Variants in BOC observed in about 807,000 individuals in gnomAD.
BOC encodes BOC cell adhesion associated, oncogene regulated.
Under a neutral mutation model 112.0 loss-of-function variants are expected in BOC, and 76 were observed. The observed-to-expected ratio is 0.68, with a 90% CI of 0.56 to 0.82. The LOEUF (loss-of-function observed/expected upper bound fraction) is 0.82, where lower values mean the gene tolerates loss of function less well. BOC is among the 40% of genes least tolerant of loss of function. The pLI, the probability that BOC is intolerant of heterozygous loss-of-function variation, is 0.00. For synonymous variants in BOC, 580 were observed against 599.8 expected, an observed-to-expected ratio of 0.97 and a Z score of 0.48; for missense variants, 1,309 against 1,511.7, an observed-to-expected ratio of 0.87 and a Z score of 2.22.
intron 5 of BOC, 33 bp from the exon 6 acceptor site, chr3:113,270,768 T>C: frequency 6.3e-7 from 1 of 1,581,684 alleles, no homozygotes. Flanking sequence ...TCTGGACCCA[T>C]CCCATCTTCC....
At chr3:113,270,271 C>T (rs1028802521) in intron 5 of BOC, 1 of 152,462 alleles carries the variant, frequency 6.6e-6, no homozygotes, top group Non-Finnish European at 1.5e-5. Flanking sequence ...TTTCCTCCTT[C>T]CTGGAGGCTT....
At chr3:113,257,732 C>CAAATTAAATTTAATTTAA (rs1327218695) in intron 4 of BOC, among the ~76,000 whole-genome samples, 75 of 152,324 alleles carry the variant, frequency 4.9e-4, no homozygotes, top group African/African-American at 1.6e-3. Flanking sequence ...CAATCTACCT[C>CAAATTAAATTTAATTTAA]TTTAATTTAA....
intron 2 of BOC, among the ~76,000 whole-genome samples, chr3:113,243,628 A>G (rs1312137673): frequency 2.0e-5 from 3 of 152,166 alleles, no homozygotes; most frequent in Non-Finnish European, 4.4e-5. Flanking sequence ...CCACTGTTAC[A>G]GATAAACCCA....
intron 4 of BOC, 79 bp from the exon 5 acceptor site, chr3:113,268,220 A>G: frequency 6.3e-7 from 1 of 1,575,312 alleles, no homozygotes. Context: ...GACTGACAAC[A>G]CCAAGGCACA....
At chr3:113,268,543 T>C (rs1030805260) in intron 5 of BOC, 98 bp downstream of exon 5, 1 of 1,230,542 alleles carries the variant, frequency 8.1e-7, no homozygotes, top group Non-Finnish European at 1.1e-6. Flanking sequence ...CAGCTGCTGC[T>C]GTCTCCCAAA....
chr3:113,253,820 G>A (rs1945912994), intron 4 of BOC, among the ~76,000 whole-genome samples: 1 of 152,194 alleles, frequency 6.6e-6, no homozygotes, highest in African/African-American at 2.4e-5. Flanking sequence ...TATTGCAAAT[G>A]AGATGCGCCT....
At chr3:113,223,409 C>T (rs183828013) in intron 2 of BOC, among the ~76,000 whole-genome samples, 2 of 152,248 alleles carry the variant, frequency 1.3e-5, no homozygotes, top group African/African-American at 4.8e-5. Context: ...TACGTTGGTG[C>T]AGTATATCTG....
rs1033266983 is a variant in BOC at position 113,253,467 on chromosome 3, G to A, written c.376+2634G>A. ...GTGCACTTGTATTGCTAGCTGTCTC[G>A]GAGGCGGGAGGACTGCTTGAGCCCA... On this transcript the variant is annotated intron_variant, in intron 4 of 19. Transcript: ENST00000682979. Among the ~76,000 whole-genome samples the A allele has an allele frequency of 5.3e-5, 8 of 151,902 alleles. No individual in the cohort carries two copies. In the South Asian group the frequency reaches 6.3e-4, roughly 12 times the overall value.
Position 113,250,625 on chromosome 3 carries a change from C to T in BOC, c.168C>T (p.Gly56=). 6.2e-7 allele frequency: 1 copy of T among 1,614,208 alleles called. No homozygotes were observed. The highest frequency in any genetic ancestry group is 8.5e-7 in the Non-Finnish European group (1 of 1,180,026). Residue 56 remains glycine, a synonymous_variant, in exon 4 of 20, where the codon GGC becomes GGT. Coordinates refer to ENST00000682979, the MANE Select transcript of BOC (RefSeq NM_001378074.1). ...VQKPGGTVIL[G]CVVEPPRMNV... ...AGCCCGGAGGCACTGTGATCTTGGG[C>T]TGCGTGGTGGAACCTCCAAGGATGA...
chr3:113,262,515 C>CA (rs553526667), intron 4 of BOC, among the ~76,000 whole-genome samples: 6 of 152,196 alleles, frequency 3.9e-5, no homozygotes, highest in African/African-American at 9.7e-5. Context: ...TTGTGGGCTG[C>CA]AGGGGGTCTA....
chr3:113,263,653 C>G (rs1947140217), intron 4 of BOC, among the ~76,000 whole-genome samples: 1 of 152,134 alleles, frequency 6.6e-6, no homozygotes, highest in African/African-American at 2.4e-5. Flanking sequence ...GATAAGCTTA[C>G]AATTAATATT....
At position 113,281,132 on chromosome 3, in the gene BOC, G is replaced by A. The variant is rs774064705; in HGVS notation, c.2413G>A (p.Val805Met). The change falls in exon 15 of 20, where the codon GTG (valine) becomes ATG (methionine). Residue 805 changes from valine (V) to methionine (M), a missense_variant. Coordinates refer to ENST00000682979, the MANE Select transcript of BOC (RefSeq NM_001378074.1). ...AGGAGGGGAGAGCGAGTTCAGCAAC[G>A]TGATGATCTGTGAGACCAAAGGTGA... is the stretch of plus-strand genomic sequence containing the variant. ...NEGGESEFSN[V>M]MICETKARKS... 1.3e-5 allele frequency: 21 copies of A among 1,614,038 alleles called. No individual in the cohort carries two copies. The highest frequency in any genetic ancestry group is 1.0e-4 in the Admixed American group (6 of 60,004).
chr3:113,282,303 T>A (rs1307109085), intron 15 of BOC, among the ~76,000 whole-genome samples: 2 of 152,028 alleles, frequency 1.3e-5, no homozygotes, highest in African/African-American at 4.8e-5. Flanking sequence ...ACTGGGGCTC[T>A]AAAGTAAAGG....
chr3:113,275,721 A>G (rs886503674), intron 9 of BOC, among the ~76,000 whole-genome samples: 2 of 152,182 alleles, frequency 1.3e-5, no homozygotes, highest in Non-Finnish European at 1.5e-5. Flanking sequence ...CACCTCCACA[A>G]ACAAGCAAGA....
chr3:113,261,320 G>T (rs923236353), intron 4 of BOC, among the ~76,000 whole-genome samples: 6 of 152,226 alleles, frequency 3.9e-5, no homozygotes, highest in African/African-American at 1.4e-4. Context: ...TAAGTTTATA[G>T]TTTGTATTTG....
intron 4 of BOC, among the ~76,000 whole-genome samples, chr3:113,253,582 A>T (rs1263205024): frequency 7.0e-6 from 1 of 143,450 alleles, no homozygotes; most frequent in African/African-American, 2.5e-5. Flanking sequence ...AATAAAATGC[A>T]TACAGTAAAG....
intron 4 of BOC, among the ~76,000 whole-genome samples, chr3:113,258,406 C>A (rs759400731): frequency 9.9e-5 from 15 of 152,180 alleles, no homozygotes; most frequent in Non-Finnish European, 1.8e-4. Context: ...TTAACTGTTT[C>A]TCATCTCTTT....
intron 4 of BOC, among the ~76,000 whole-genome samples, chr3:113,256,047 G>GT (rs1163037453): frequency 6.6e-6 from 1 of 152,178 alleles, no homozygotes. Context: ...AGTCTCATGG[G>GT]TTTTTTGAGG....
At chr3:113,231,334 C>T (rs542158633) in intron 2 of BOC, among the ~76,000 whole-genome samples, 12 of 152,274 alleles carry the variant, frequency 7.9e-5, no homozygotes, top group Non-Finnish European at 4.4e-5. Flanking sequence ...TAAGTGTCTC[C>T]TGACATTTTT....
Sources: allele counts gnomAD v4.1 joint callset (sites outside exome capture counted in the v4.1 genomes callset), GRCh38; gene constraint gnomAD v4.1.1; transcripts MANE v1.5; gene names NCBI Gene and HGNC (gene_info 2026-07-23, HGNC 2026-07-21).